Variants in NIN observed in about 807,000 individuals in gnomAD.
The protein encoded by NIN is ninein, also known as glycogen synthase kinase 3 beta-interacting protein.
Under a neutral mutation model 257.6 loss-of-function variants are expected in NIN, and 137 were observed. The observed-to-expected ratio is 0.53, with a 90% CI of 0.46 to 0.61. The LOEUF is 0.61. NIN is among the 20% of genes least tolerant of loss of function. The pLI, the probability that NIN is intolerant of heterozygous loss-of-function variation, is 0.00. For synonymous variants in NIN, 918 were observed against 919.8 expected, an observed-to-expected ratio of 1.00 and a Z score of 0.04; for missense variants, 2,439 against 2,501.2, an observed-to-expected ratio of 0.98 and a Z score of 0.53.
chr14:50,752,057 T>C (rs959161267), intron 21 of NIN, among the ~76,000 whole-genome samples: 1 of 152,178 alleles, frequency 6.6e-6, no homozygotes, highest in Non-Finnish European at 1.5e-5. Context: ...TAATCAGTGT[T>C]TTCTTTTATT....
At position 50,772,448 on chromosome 14, in the gene NIN, T is replaced by G; in HGVS notation, c.834A>C (p.Arg278=). ...LSMQSFDESG[R]RTTTSSAMTS... is the part of the protein sequence containing the mutation. ...TCATTGCTGATGAGGTTGTGGTACG[T>G]CGTCCACTCTCATCGAAAGACTGGA... Residue 278 remains arginine (R), a synonymous_variant, in exon 9 of 31, where the codon CGA becomes CGC. Transcript: ENST00000530997. The G allele has an allele frequency of 6.2e-7, 1 of 1,614,188 alleles. No homozygotes were observed. Among genetic ancestry groups the G allele is most frequent in the Non-Finnish European group, 8.5e-7 (1 of 1,180,026 alleles).
rs972343829 is a variant in NIN, at chr14:50,721,932, G to A, written c.*1531C>T. 1 of 226,282 alleles carries A rather than the reference G, an allele frequency of 4.4e-6. No individual in the cohort carries two copies. Among genetic ancestry groups the A allele is most frequent in the Non-Finnish European group, 8.8e-6 (1 of 113,614 alleles). 14.0% of individuals were successfully genotyped at this position (226,282 alleles called of 1,614,324 possible). Reference sequence around the variant, plus strand: ...TGAGTTTCTGACATGATGACTTCTTGGGCAGTTTGCTTTCTCTTGTGTTCC... The same window carrying A: ...TGAGTTTCTGACATGATGACTTCTTAGGCAGTTTGCTTTCTCTTGTGTTCC... On this transcript the variant is annotated 3_prime_UTR_variant, in exon 31 of 31. Coordinates refer to ENST00000530997, the MANE Select transcript of NIN (RefSeq NM_020921.4).
intron 3 of NIN, among the ~76,000 whole-genome samples, chr14:50,809,588 T>C (rs1472445257): frequency 6.6e-6 from 1 of 152,228 alleles, no homozygotes; most frequent in Non-Finnish European, 1.5e-5. Flanking sequence ...CAGGGTCTTC[T>C]AAAGGCGTAA....
chr14:50,772,396 A>G lies in NIN; in HGVS notation c.886T>C (p.Ser296Pro). The G allele has an allele frequency of 1.2e-6, 2 of 1,614,160 alleles. No homozygotes were observed. The highest frequency in any genetic ancestry group is 1.7e-6 in the Non-Finnish European group (2 of 1,180,006). Residue 296 changes from serine (S) to proline (P), a missense_variant, in exon 9 of 31, where the codon TCC becomes CCC. Physicochemically the swap from Ser to Pro is moderately conservative, Grantham distance 74. Transcript: ENST00000530997. ...MTSTIGFRVF[S>P]CLDDGMGHAS... Reference sequence around the variant, plus strand: ...TGGCCCATCCCATCATCCAGGCAGGAGAAGACCCGAAAGCCAATGGTACTT... The same window carrying G: ...TGGCCCATCCCATCATCCAGGCAGGGGAAGACCCGAAAGCCAATGGTACTT...
intron 12 of NIN, among the ~76,000 whole-genome samples, chr14:50,767,796 G>C (rs1194406255): frequency 7.0e-6 from 1 of 142,980 alleles, no homozygotes; most frequent in South Asian, 2.2e-4. Flanking sequence ...CAGCCTGGGC[G>C]ACACAGCAAG....
In NIN at chr14:50,738,448, A is replaced by G. The variant is rs554770536; in HGVS notation, c.5629-162T>C. On this transcript the variant is annotated intron_variant, in intron 26 of 30. Coordinates refer to ENST00000530997, the MANE Select transcript of NIN (RefSeq NM_020921.4). ...GAAGCTAGCTTTTCTGGATTTCAAA[A>G]GACCCTTTCTAGGTGAGTCTGGTTG... 2.0e-5 allele frequency among the ~76,000 whole-genome samples: 3 copies of G among 152,338 alleles called. No homozygotes were observed. In the South Asian group the frequency reaches 6.2e-4, roughly 32 times the overall value.
chr14:50,743,482 C>G lies in NIN; in HGVS notation c.5235G>C (p.Gln1745His), dbSNP rs748459650. ...TCTGATGTTCCCAGGATTTCTGTTC[C>G]TGCTTCATCGTCGCAATTCTATGCT... ...LLEHRIATMK[Q>H]EQKSWEHQSA... The change falls in exon 24 of 31, where the codon CAG (glutamine) becomes CAC (histidine). Residue 1745 changes from glutamine (Q) to histidine (H), a missense_variant. Gln to His is a conservative substitution (Grantham distance 24). Coordinates refer to ENST00000530997, the MANE Select transcript of NIN (RefSeq NM_020921.4). 10 of 1,613,870 alleles carry G rather than the reference C, an allele frequency of 6.2e-6. No individual in the cohort carries two copies. Among genetic ancestry groups the G allele is most frequent in the Non-Finnish European group, 8.5e-6 (10 of 1,179,780 alleles).
At chr14:50,796,245 T>C (rs1481175458) in intron 4 of NIN, among the ~76,000 whole-genome samples, 2 of 152,148 alleles carry the variant, frequency 1.3e-5, no homozygotes, top group Non-Finnish European at 2.9e-5. Context: ...CTGGAAAGCT[T>C]ATTATGAGAC....
rs935666761 is a variant in NIN at position 50,822,059 on chromosome 14, C to G, written c.-3G>C. 5.6e-6 allele frequency: 9 copies of G among 1,611,770 alleles called. No individual in the cohort carries two copies. Among genetic ancestry groups the G allele is most frequent in the Admixed American group, 3.3e-5 (2 of 59,872 alleles). On this transcript the variant is annotated 5_prime_UTR_variant, in exon 3 of 31. It removes an upstream start codon present in the reference 5' UTR. Transcript: ENST00000530997. ...TGGTCCTGCTCCACCTCATCCATCC[C>G]ATAGCCCACAGTGCTCACCTGTGTG...
chr14:50,806,947 G>T (rs1046613234), intron 3 of NIN, 129 bp from the exon 4 acceptor site: 2 of 477,564 alleles, frequency 4.2e-6, no homozygotes, highest in South Asian at 7.8e-5. Flanking sequence ...CCAATTTGTT[G>T]CCCTTTTCAT....
chr14:50,743,602 A>C lies in NIN; in HGVS notation c.5188-73T>G, dbSNP rs552083176. ...AGCTAGCCTTAATTTATATGCCTGC[A>C]CTTACATTGTCAAGAACAAGTACCA... On this transcript the variant is annotated intron_variant, in intron 23 of 30. Coordinates refer to ENST00000530997, the MANE Select transcript of NIN (RefSeq NM_020921.4). 17 of 832,054 alleles carry C rather than the reference A, an allele frequency of 2.0e-5. No individual in the cohort carries two copies. In the Admixed American group the frequency reaches 2.6e-4, roughly 13 times the overall value. 51.5% of individuals were successfully genotyped at this position (832,054 alleles called of 1,614,324 possible). A position where few individuals can be genotyped will look rare whatever the true frequency, so the allele number is the denominator to read the frequency against.
chr14:50,733,338 G>A (rs1319479334), intron 28 of NIN, among the ~76,000 whole-genome samples: 1 of 152,128 alleles, frequency 6.6e-6, no homozygotes, highest in African/African-American at 2.4e-5. Flanking sequence ...TGAACCACCT[G>A]CCTCAGCCTC....
chr14:50,796,655 A>G (rs1000511212), intron 4 of NIN, among the ~76,000 whole-genome samples: 2 of 152,198 alleles, frequency 1.3e-5, no homozygotes, highest in African/African-American at 4.8e-5. Context: ...TAATAAAAAG[A>G]AAGTTAAAAT....
intron 27 of NIN, among the ~76,000 whole-genome samples, chr14:50,737,864 C>T (rs2041072480): frequency 5.3e-5 from 8 of 152,092 alleles, no homozygotes. Flanking sequence ...TCAGGCTGGT[C>T]TCAAACTCCT....
intron 5 of NIN, among the ~76,000 whole-genome samples, chr14:50,785,781 C>A (rs373096322): frequency 2.6e-5 from 4 of 152,154 alleles, no homozygotes; most frequent in Non-Finnish European, 4.4e-5. Context: ...TGAGTGCGCC[C>A]GGCAGGGCTG....
intron 3 of NIN, among the ~76,000 whole-genome samples, chr14:50,813,304 A>G (rs1230992741): frequency 6.6e-6 from 1 of 152,262 alleles, no homozygotes; most frequent in Non-Finnish European, 1.5e-5. Context: ...CAAGTTGTGC[A>G]TACACTGGTT....
chr14:50,756,679 T>A lies in NIN; in HGVS notation c.4351A>T (p.Ile1451Leu). 1 of 1,551,958 alleles carries A rather than the reference T, an allele frequency of 6.4e-7. No homozygotes were observed. The highest frequency in any genetic ancestry group is 1.7e-4 in the Middle Eastern group (1 of 5,992). ...GTTTTCTCCAGTTCTAACTCTGCTA[T>A]GGTGGCCTGATGCTGAAAATGTTTG... is the stretch of plus-strand genomic sequence containing the variant. ...QDKHFQHQAT[I>L]AELELEKTKL... Residue 1451 changes from isoleucine to leucine, a missense_variant, in exon 18 of 31, where the codon ATA (isoleucine) becomes TTA (leucine). Around this residue, in one of 3 missense-constraint regions of NIN, gnomAD observed 2,043 missense variants for 2,050.2 expected, o/e 1.00. Transcript: ENST00000530997.
chr14:50,758,037 C>A lies in NIN; in HGVS notation c.2993G>T (p.Cys998Phe). The A allele has an allele frequency of 6.2e-7, 1 of 1,614,226 alleles. No homozygotes were observed. The highest frequency in any genetic ancestry group is 1.1e-5 in the South Asian group (1 of 91,080). ...LAMENIHKAT[C>F]ETADRERAEM... ...GGCTCTTTCTCGATCTGCTGTCTCA[C>A]AGGTCGCTTTGTGAATGTTCTCCAT... The change falls in exon 18 of 31, where the codon TGT becomes TTT. Residue 998 changes from cysteine (C) to phenylalanine (F), a missense_variant. Transcript: ENST00000530997.
chr14:50,737,664 T>TA (rs1261781074), intron 27 of NIN, among the ~76,000 whole-genome samples: 2 of 119,806 alleles, frequency 1.7e-5, no homozygotes, highest in Non-Finnish European at 3.5e-5. Flanking sequence ...TTTTTTTTTT[T>TA]AAACAGAGTC....
Sources: allele counts gnomAD v4.1 joint callset (sites outside exome capture counted in the v4.1 genomes callset), GRCh38; gene constraint gnomAD v4.1.1; regional missense constraint gnomAD v4.1.1; transcripts MANE v1.5; gene names NCBI Gene and HGNC (gene_info 2026-07-23, HGNC 2026-07-21).